The following CFAP54 variants were observed in gnomAD, a reference collection of about 807,000 sequenced individuals.
The protein encoded by CFAP54 is cilia- and flagella-associated protein 54.
A neutral mutation model predicts 370.4 loss-of-function variants in CFAP54; 290 were observed. The observed-to-expected ratio is 0.78, with a 90% CI of 0.71 to 0.86. The LOEUF is 0.86. CFAP54 is among the 40% of genes least tolerant of loss of function. The pLI is 0.00. For missense variants in CFAP54, 3,399 were observed against 3,528.7 expected, an observed-to-expected ratio of 0.96 and a Z score of 0.93; for synonymous variants, 1,206 against 1,236.5, an observed-to-expected ratio of 0.98 and a Z score of 0.52.
At chr12:96,495,182 A>G (rs952686147) in intron 1 of CFAP54, among the ~76,000 whole-genome samples, 1 of 152,190 alleles carries the variant, frequency 6.6e-6, no homozygotes, top group African/African-American at 2.4e-5. Flanking sequence ...TGCTTTTGCT[A>G]TAAGCACATA....
In CFAP54 at chr12:96,556,417, C is replaced by G. The variant is rs1955752193; in HGVS notation, c.2410+1615C>G. Among the ~76,000 whole-genome samples the G allele has an allele frequency of 1.3e-5, 2 of 151,412 alleles. 1 individual carries two copies. The highest frequency in any genetic ancestry group is 1.3e-4 in the Admixed American group (2 of 15,170). On this transcript the variant is annotated intron_variant, in intron 17 of 67. Transcript: ENST00000524981. The stretch of plus-strand genomic sequence containing the variant: ...TTTTCTTTTTTTTTCAAATTAAATG[C>G]TTTTGCTTTTCCCTTCCAAGTCCCC...
intron 44 of CFAP54, 89 bp from the exon 45 acceptor site, chr12:96,693,633 C>T (rs1407308828): frequency 7.5e-6 from 6 of 803,728 alleles, no homozygotes; most frequent in Non-Finnish European, 1.2e-5. Flanking sequence ...TATAACATAT[C>T]CTATATTTAA....
At chr12:96,544,251 A>G (rs1210537795) in intron 14 of CFAP54, among the ~76,000 whole-genome samples, 2 of 152,086 alleles carry the variant, frequency 1.3e-5, no homozygotes, top group African/African-American at 4.8e-5. Context: ...TTCCTAAGTG[A>G]CTAAAACAAT....
intron 32 of CFAP54, among the ~76,000 whole-genome samples, chr12:96,637,960 T>C (rs1303542164): frequency 6.6e-6 from 1 of 152,164 alleles, no homozygotes; most frequent in Non-Finnish European, 1.5e-5. Flanking sequence ...CCTAGGTGTG[T>C]AGTAGGCTAT....
intron 26 of CFAP54, among the ~76,000 whole-genome samples, chr12:96,601,746 A>T (rs1256129294): frequency 6.6e-6 from 1 of 152,124 alleles, no homozygotes; most frequent in Non-Finnish European, 1.5e-5. Context: ...ATTTGCATAG[A>T]GGTGTTTATA....
chr12:96,660,449 G>A (rs1280640066), intron 38 of CFAP54, among the ~76,000 whole-genome samples: 1 of 151,966 alleles, frequency 6.6e-6, no homozygotes, highest in Non-Finnish European at 1.5e-5. Flanking sequence ...TCTCTATCAT[G>A]ATGAATTTTG....
chr12:96,828,064 A>G (rs1344007297), intron 65 of CFAP54, among the ~76,000 whole-genome samples: 1 of 129,408 alleles, frequency 7.7e-6, no homozygotes, highest in Non-Finnish European at 1.6e-5. Context: ...TATATTATTA[A>G]TATATAATTA....
intron 23 of CFAP54, 112 bp from the exon 24 acceptor site, chr12:96,592,378 T>C (rs2136435378): frequency 2.8e-6 from 1 of 357,130 alleles, no homozygotes; most frequent in Non-Finnish European, 5.1e-6. Context: ...TAAATACTTT[T>C]GTTGCTTTTT....
At chr12:96,781,937 T>C in intron 60 of CFAP54, among the ~76,000 whole-genome samples, 1 of 152,098 alleles carries the variant, frequency 6.6e-6, no homozygotes, top group East Asian at 1.9e-4. Flanking sequence ...GGGAATTTTA[T>C]TTTTGATTAT....
intron 66 of CFAP54, among the ~76,000 whole-genome samples, chr12:96,839,377 A>G (rs1372036616): frequency 2.0e-5 from 3 of 152,232 alleles, no homozygotes; most frequent in African/African-American, 7.2e-5. Flanking sequence ...TTCACTTGGA[A>G]TGAGACCCTT....
At chr12:96,603,275 A>G (rs1459219569) in intron 26 of CFAP54, among the ~76,000 whole-genome samples, 4 of 152,192 alleles carry the variant, frequency 2.6e-5, no homozygotes, top group Admixed American at 1.3e-4. Context: ...AGAATGTTCA[A>G]TATTGTCCCC....
At chr12:96,741,198 G>A (rs765861576) in intron 51 of CFAP54, among the ~76,000 whole-genome samples, 7 of 151,954 alleles carry the variant, frequency 4.6e-5, no homozygotes, top group Non-Finnish European at 8.8e-5. Flanking sequence ...ACGGAGTCTC[G>A]CTCTATCGCC....
At chr12:96,706,408 T>C (rs1957548052) in intron 47 of CFAP54, among the ~76,000 whole-genome samples, 2 of 152,024 alleles carry the variant, frequency 1.3e-5, no homozygotes, top group Admixed American at 1.3e-4. Context: ...ATATGAAATC[T>C]GGAGAAGGAA....
chr12:96,649,974 T>G lies in CFAP54; in HGVS notation c.4774T>G (p.Ser1592Ala). The change falls in exon 35 of 68, where the codon TCT (serine) becomes GCT (alanine). Residue 1592 changes from serine (S) to alanine (A), a missense_variant. Ser to Ala is a moderately conservative substitution (Grantham distance 99, BLOSUM62 1). This residue lies in a region of CFAP54 where 2,796 missense variants were observed against 2,869.7 expected (regional missense o/e 0.97). Coordinates refer to ENST00000524981, the MANE Select transcript of CFAP54 (RefSeq NM_001306084.2). ...SKTQTVYDSD[S>A]QSGSSAKEKD... The stretch of plus-strand genomic sequence containing the variant: ...GACACAAACAGTTTATGACTCAGAC[T>G]CTCAATCAGGTTCTAGTGCTAAAGA... The G allele has an allele frequency of 6.2e-7, 1 of 1,612,966 alleles. No individual in the cohort carries two copies. Among genetic ancestry groups the G allele is most frequent in the East Asian group, 2.2e-5 (1 of 44,872 alleles).
intron 63 of CFAP54, among the ~76,000 whole-genome samples, chr12:96,808,140 C>T (rs545664326): frequency 6.6e-6 from 1 of 152,176 alleles, no homozygotes; most frequent in South Asian, 2.1e-4. Context: ...ATCTCTAATT[C>T]TTCCCAAACT....
intron 43 of CFAP54, 23 bp from the exon 44 acceptor site, chr12:96,691,105 A>G (rs766943719): frequency 3.1e-6 from 5 of 1,605,810 alleles, no homozygotes; most frequent in Non-Finnish European, 4.3e-6. Flanking sequence ...AGCTCTTTAT[A>G]TTTCACTTTT....
intron 15 of CFAP54, among the ~76,000 whole-genome samples, chr12:96,550,151 C>T (rs973186555): frequency 6.6e-5 from 10 of 152,056 alleles, no homozygotes; most frequent in East Asian, 3.8e-4. Flanking sequence ...CCTATACCTG[C>T]GACATGTTTT....
Position 96,784,803 on chromosome 12 carries a change from A to G in CFAP54, c.8368A>G (p.Thr2790Ala). The G allele has an allele frequency of 6.5e-7, 1 of 1,534,772 alleles. No homozygotes were observed. Among genetic ancestry groups the G allele is most frequent in the Non-Finnish European group, 8.7e-7 (1 of 1,145,958 alleles). Residue 2790 changes from threonine (T) to alanine (A), a missense_variant, in exon 61 of 68, where the codon ACT (threonine) becomes GCT (alanine). Thr to Ala is a moderately conservative substitution (Grantham distance 58). This residue lies in a region of CFAP54 where 2,796 missense variants were observed against 2,869.7 expected (regional missense o/e 0.97). Coordinates refer to ENST00000524981, the MANE Select transcript of CFAP54 (RefSeq NM_001306084.2). ...TGACAGCGCAGATGGTAGAAAAAAG[A>G]CTCAGACCAAAGTGGATATTACATG... Reference protein sequence around the residue: ...VCDSADGRKKTQTKVDITWIL... With the variant: ...VCDSADGRKKAQTKVDITWIL...
At chr12:96,594,490 G>T in intron 25 of CFAP54, 44 bp downstream of exon 25, 1 of 1,358,250 alleles carries the variant, frequency 7.4e-7, no homozygotes, top group Non-Finnish European at 9.8e-7. Flanking sequence ...CTTTATAAAG[G>T]CAACTTAACA....
Sources: allele counts gnomAD v4.1 joint callset (sites outside exome capture counted in the v4.1 genomes callset), GRCh38; gene constraint gnomAD v4.1.1; regional missense constraint gnomAD v4.1.1; transcripts MANE v1.5; gene names NCBI Gene and HGNC (gene_info 2026-07-23, HGNC 2026-07-21).